The following MYO5A variants were observed in gnomAD, a reference collection of about 807,000 sequenced individuals.
MYO5A encodes the protein myosin VA.
MYO5A carries 98 observed loss-of-function variants against 249.7 expected under a neutral mutation model. The observed-to-expected ratio is 0.39, with a 90% CI of 0.33 to 0.46. The LOEUF (loss-of-function observed/expected upper bound fraction) is 0.46, where lower values mean the gene tolerates loss of function less well. MYO5A is among the 20% of genes least tolerant of loss of function. The pLI, the probability that MYO5A is intolerant of heterozygous loss-of-function variation, is 0.98. For synonymous variants in MYO5A, 778 were observed against 810.6 expected, an observed-to-expected ratio of 0.96 and a Z score of 0.68; for missense variants, 1,696 against 2,308.8, an observed-to-expected ratio of 0.73 and a Z score of 5.44.
intron 1 of MYO5A, among the ~76,000 whole-genome samples, chr15:52,461,222 G>A (rs1280246066): frequency 6.6e-6 from 1 of 152,086 alleles, no homozygotes; most frequent in Non-Finnish European, 1.5e-5. Context: ...CAAAGTGCTG[G>A]GATTATAGGT....
chr15:52,471,592 AACACACAC>A (rs111751236), intron 1 of MYO5A, among the ~76,000 whole-genome samples: 1 of 144,868 alleles, frequency 6.9e-6, no homozygotes, highest in Non-Finnish European at 1.5e-5. Flanking sequence ...CTGTCTCTAA[AACACACAC>A]ACACACACAC....
chr15:52,450,008 A>T (rs1203027510), intron 1 of MYO5A, among the ~76,000 whole-genome samples: 1 of 152,102 alleles, frequency 6.6e-6, no homozygotes, highest in Non-Finnish European at 1.5e-5. Flanking sequence ...TCTCCAAAAA[A>T]AAAATTGAAT....
rs547822509 is a variant in MYO5A at position 52,472,471 on chromosome 15, T to C, written c.28-39186A>G. 6.4e-4 allele frequency among the ~76,000 whole-genome samples: 97 copies of C among 152,286 alleles called. 2 individuals are homozygous for C. In the East Asian group the frequency reaches 0.017, roughly 27 times the overall value. On this transcript the variant is annotated intron_variant, in intron 1 of 41. Coordinates refer to ENST00000399233, the MANE Select transcript of MYO5A (RefSeq NM_001382347.1). ...CAGGTTTGTTACATATGTATACATGTGCCATGTTGGTGTGCTGCACCCATT... is the reference window on the plus strand; with the variant it reads ...CAGGTTTGTTACATATGTATACATGCGCCATGTTGGTGTGCTGCACCCATT...
chr15:52,321,646 A>G (rs1466605629), intron 37 of MYO5A, 137 bp from the exon 38 acceptor site: 1 of 932,900 alleles, frequency 1.1e-6, no homozygotes, highest in African/African-American at 1.6e-5. Context: ...CAGGACTGAC[A>G]TTCTCAAATG....
intron 39 of MYO5A, among the ~76,000 whole-genome samples, chr15:52,317,989 C>T (rs945501027): frequency 6.6e-6 from 1 of 152,140 alleles, no homozygotes; most frequent in African/African-American, 2.4e-5. Flanking sequence ...GAAATATGCT[C>T]CACTATCTGA....
rs2042119853 is a variant in MYO5A, at chr15:52,389,509, C to T, written c.1543-146G>A. 3.8e-6 allele frequency: 3 copies of T among 799,616 alleles called. No homozygotes were observed. In the South Asian group the frequency reaches 5.5e-5, roughly 15 times the overall value. The allele number at this position is 799,616 out of a possible 1,614,324, so 49.5% of individuals were successfully genotyped here. A position where few individuals can be genotyped will look rare whatever the true frequency, so the allele number is the denominator to read the frequency against. ...TCAATTTAGGAGTTCATTCCTTCCA[C>T]ATTTCATTGTTAGAGGCCAACAACC... On this transcript the variant is annotated intron_variant, in intron 12 of 41. Coordinates refer to ENST00000399233, the MANE Select transcript of MYO5A (RefSeq NM_001382347.1).
In MYO5A at chr15:52,312,629, A is replaced by AT. The variant is rs1256172927; in HGVS notation, c.*1066dup. 3 of 152,282 alleles carry AT rather than the reference A, an allele frequency of 2.0e-5. No individual in the cohort carries two copies. The highest frequency in any genetic ancestry group is 6.5e-5 in the Admixed American group (1 of 15,282). 9.4% of individuals were successfully genotyped at this position (152,282 alleles called of 1,614,324 possible). ...CACCTTGGCTTCCCAAAGTGCTGGG[A>AT]TTACAGGCGTGAGCCACCGCGCCCA... On this transcript the variant is annotated 3_prime_UTR_variant, in exon 42 of 42. Transcript: ENST00000399233.
At chr15:52,360,697 T>A (rs2040476354) in intron 24 of MYO5A, among the ~76,000 whole-genome samples, 1 of 152,150 alleles carries the variant, frequency 6.6e-6, no homozygotes, top group African/African-American at 2.4e-5. Context: ...CCTCAGGGCA[T>A]CCAGGTGGCA....
intron 11 of MYO5A, 52 bp from the exon 12 acceptor site, chr15:52,392,122 A>C: frequency 6.5e-7 from 1 of 1,549,140 alleles, no homozygotes. Context: ...GTAACAAAGA[A>C]TGTAGTCAAG....
chr15:52,445,765 G>T (rs1037941842), intron 1 of MYO5A, among the ~76,000 whole-genome samples: 2 of 152,182 alleles, frequency 1.3e-5, no homozygotes, highest in Non-Finnish European at 2.9e-5. Flanking sequence ...AAAGAACTTG[G>T]CTACAATGTG....
rs561321533 is a variant in MYO5A at position 52,375,458 on chromosome 15, T to C, written c.2423A>G (p.Tyr808Cys). 3.1e-6 allele frequency: 5 copies of C among 1,614,050 alleles called. No homozygotes were observed. The highest frequency in any genetic ancestry group is 2.7e-5 in the African/African-American group (2 of 75,018). The change falls in exon 20 of 42, where the codon TAT becomes TGT. Residue 808 changes from tyrosine to cysteine, a missense_variant and splice_region_variant. Physicochemically the swap from Tyr to Cys is radical, Grantham distance 194 (BLOSUM62 -2). Coordinates refer to ENST00000399233, the MANE Select transcript of MYO5A (RefSeq NM_001382347.1). ...RYVRGYQARCYAKFLRRTKAA... is the reference protein window; with the variant it reads ...RYVRGYQARCCAKFLRRTKAA... ...CTTGGTTCTGCGCAGAAACTTAGCA[T>C]AGCTGGCCAAAGAAAATAACATTAT...
chr15:52,376,566 T>G lies in MYO5A; in HGVS notation c.2209-8A>C. ...CTGGTATTTGTCCTTGTCCTATTTTTGGAAGAAATTGTATATTCAGAAATA... is the reference window on the plus strand; with the variant it reads ...CTGGTATTTGTCCTTGTCCTATTTTGGGAAGAAATTGTATATTCAGAAATA... On this transcript the variant is annotated splice_region_variant and splice_polypyrimidine_tract_variant and intron_variant, in intron 18 of 41. Coordinates refer to ENST00000399233, the MANE Select transcript of MYO5A (RefSeq NM_001382347.1). The G allele has an allele frequency of 1.9e-6, 3 of 1,609,656 alleles. No homozygotes were observed. Among genetic ancestry groups the G allele is most frequent in the Non-Finnish European group, 1.7e-6 (2 of 1,175,986 alleles).
At chr15:52,451,908 GT>G (rs1304217458) in intron 1 of MYO5A, among the ~76,000 whole-genome samples, 7 of 152,170 alleles carry the variant, frequency 4.6e-5, no homozygotes. Context: ...GAAGATGTCT[GT>G]TTTACTCAAA....
intron 34 of MYO5A, chr15:52,331,973 A>C (rs2140962332): frequency 1.5e-6 from 1 of 677,568 alleles, no homozygotes; most frequent in Admixed American, 6.3e-5. Context: ...AGAGAAAAGG[A>C]GACTCAAACT....
intron 9 of MYO5A, among the ~76,000 whole-genome samples, chr15:52,399,532 G>A (rs1256785561): frequency 2.6e-5 from 4 of 151,988 alleles, no homozygotes; most frequent in Non-Finnish European, 4.4e-5. Flanking sequence ...TGTTCAATAC[G>A]TGCACAGTGT....
At chr15:52,375,242 T>C (rs878917699) in intron 20 of MYO5A, 62 bp downstream of exon 20, 2 of 1,544,910 alleles carry the variant, frequency 1.3e-6, no homozygotes, top group South Asian at 1.1e-5. Flanking sequence ...GTACTCTGTA[T>C]AGATGTGAAA....
chr15:52,384,368 G>C, intron 14 of MYO5A, 46 bp from the exon 15 acceptor site: 1 of 1,574,374 alleles, frequency 6.4e-7, no homozygotes, highest in Non-Finnish European at 8.7e-7. Flanking sequence ...AACCAAACTT[G>C]AACGCAAACC....
intron 1 of MYO5A, among the ~76,000 whole-genome samples, chr15:52,489,805 A>C (rs2141532100): frequency 6.6e-6 from 1 of 152,378 alleles, no homozygotes; most frequent in East Asian, 1.9e-4. Context: ...AGCCTAGGCA[A>C]CATAGTGAGA....
At chr15:52,351,093 T>G (rs1443189551) in intron 28 of MYO5A, among the ~76,000 whole-genome samples, 161 bp downstream of exon 28, 1 of 152,208 alleles carries the variant, frequency 6.6e-6, no homozygotes, top group Non-Finnish European at 1.5e-5. Flanking sequence ...ATACTTACAA[T>G]AGTTTTAAAC....
Sources: allele counts gnomAD v4.1 joint callset (sites outside exome capture counted in the v4.1 genomes callset), GRCh38; gene constraint gnomAD v4.1.1; transcripts MANE v1.5; gene names NCBI Gene and HGNC (gene_info 2026-07-23, HGNC 2026-07-21).